Variants in ADAMTSL3 observed in about 807,000 individuals in gnomAD.
The protein encoded by ADAMTSL3 is ADAMTS like 3.
ADAMTSL3 carries 128 observed loss-of-function variants against 201.7 expected under a neutral mutation model. The ratio of observed to expected loss-of-function variants is 0.63; its 90% CI spans 0.55 to 0.73. The LOEUF is 0.73. ADAMTSL3 is among the 30% of genes least tolerant of loss of function. The pLI is 0.00. For missense variants in ADAMTSL3, 1,990 were observed against 2,119.6 expected, an observed-to-expected ratio of 0.94 and a Z score of 1.20; for synonymous variants, 738 against 748.4, an observed-to-expected ratio of 0.99 and a Z score of 0.23.
At chr15:83,967,132 CCT>C (rs2067104212) in intron 19 of ADAMTSL3, among the ~76,000 whole-genome samples, 1 of 152,152 alleles carries the variant, frequency 6.6e-6, no homozygotes, top group Non-Finnish European at 1.5e-5. Flanking sequence ...ACAAGGATGC[CCT>C]CTCTCACCAC....
At chr15:84,000,192 C>G (rs2067767917) in intron 23 of ADAMTSL3, among the ~76,000 whole-genome samples, 1 of 152,156 alleles carries the variant, frequency 6.6e-6, no homozygotes, top group Non-Finnish European at 1.5e-5. Flanking sequence ...CATTTTGGTG[C>G]TTTTGACTAT....
At chr15:83,706,966 G>A (rs1213894828) in intron 3 of ADAMTSL3, among the ~76,000 whole-genome samples, 1 of 152,080 alleles carries the variant, frequency 6.6e-6, no homozygotes. Context: ...ACTGCGCCTG[G>A]CCAATCCTCT....
chr15:83,981,233 T>G (rs1394400065), intron 20 of ADAMTSL3, among the ~76,000 whole-genome samples: 1 of 152,134 alleles, frequency 6.6e-6, no homozygotes, highest in Non-Finnish European at 1.5e-5. Flanking sequence ...TTCTCTCAGG[T>G]GAAACAAGGG....
Position 83,655,827 on chromosome 15 carries a change from G to T in ADAMTSL3, c.66G>T (p.Pro22=), listed in dbSNP as rs144412248. Residue 22 remains proline (P), a synonymous_variant, in exon 2 of 30, where the codon CCG becomes CCT. Transcript: ENST00000286744. ...TGGTCTTCATGCACTCTCCCCTCCC[G>T]CAGGTAAGGTCATATAGGGAGGGGA... ...IGMVFMHSPL[P]QTTAEKSPGA... 5 of 1,613,800 alleles carry T rather than the reference G, an allele frequency of 3.1e-6. No individual in the cohort carries two copies. Among genetic ancestry groups the T allele is most frequent in the Admixed American group, 1.7e-5 (1 of 60,000 alleles).
At chr15:83,669,041 G>A (rs1432085321) in intron 2 of ADAMTSL3, among the ~76,000 whole-genome samples, 4 of 152,230 alleles carry the variant, frequency 2.6e-5, no homozygotes, top group African/African-American at 7.2e-5. Flanking sequence ...CTACTATGAG[G>A]CCAGAGGGCA....
In ADAMTSL3 at chr15:83,970,467, C is replaced by T. The variant is rs779940583; in HGVS notation, c.2491-17C>T. The T allele has an allele frequency of 3.1e-6, 5 of 1,613,806 alleles. No individual in the cohort carries two copies. In the South Asian group the frequency reaches 4.4e-5, roughly 14 times the overall value. ...GCTCATGCTCCATTTGACTCTGTTG[C>T]ACAACTCTCATTTCAGTGTTCTGTC... is the stretch of plus-strand genomic sequence containing the variant. On this transcript the variant is annotated splice_polypyrimidine_tract_variant and intron_variant, in intron 19 of 29. Transcript: ENST00000286744.
At chr15:83,689,711 T>C (rs1247310045) in intron 2 of ADAMTSL3, among the ~76,000 whole-genome samples, 1 of 152,254 alleles carries the variant, frequency 6.6e-6, no homozygotes, top group Non-Finnish European at 1.5e-5. Context: ...GTGAGACTGA[T>C]ATGTGATTTT....
intron 2 of ADAMTSL3, among the ~76,000 whole-genome samples, chr15:83,673,762 G>C (rs974243602): frequency 2.4e-4 from 36 of 152,192 alleles, no homozygotes; most frequent in African/African-American, 7.0e-4. Context: ...TAATTCTGAG[G>C]TGCAATTAAT....
At chr15:83,905,893 T>C (rs776357680) in intron 15 of ADAMTSL3, among the ~76,000 whole-genome samples, 14 of 152,042 alleles carry the variant, frequency 9.2e-5, no homozygotes, top group Non-Finnish European at 1.8e-4. Flanking sequence ...ATCAGGAGAT[T>C]ATCTTTTTTT....
At chr15:83,994,811 T>C (rs1478575199) in intron 23 of ADAMTSL3, among the ~76,000 whole-genome samples, 1 of 148,900 alleles carries the variant, frequency 6.7e-6, no homozygotes, top group Non-Finnish European at 1.5e-5. Context: ...GGTTTCACCA[T>C]GTTGCCCAGG....
rs1381230387 is a variant in ADAMTSL3, at chr15:84,014,546, C to T, written c.3978C>T (p.Val1326=). The T allele has an allele frequency of 6.2e-7, 1 of 1,613,030 alleles. No homozygotes were observed. Among genetic ancestry groups the T allele is most frequent in the Non-Finnish European group, 8.5e-7 (1 of 1,179,652 alleles). ...ATATTTGTTTTTGTTCCAAAGGTGT[C>T]CCTCAGCCTAATATAACTTGGTTGA... ...NVTIRCPVKG[V]PQPNITWLKR... is the part of the protein sequence containing the mutation. Residue 1326 remains valine (V), a synonymous_variant, in exon 24 of 30, where the codon GTC becomes GTT. Transcript: ENST00000286744.
chr15:84,017,144 A>T (rs1340589517), intron 25 of ADAMTSL3, among the ~76,000 whole-genome samples: 1 of 152,094 alleles, frequency 6.6e-6, no homozygotes, highest in Non-Finnish European at 1.5e-5. Flanking sequence ...TTGAGACAGA[A>T]TCTCGCTCTG....
intron 17 of ADAMTSL3, among the ~76,000 whole-genome samples, chr15:83,936,760 A>G (rs1297768455): frequency 5.3e-5 from 8 of 151,076 alleles, no homozygotes; most frequent in East Asian, 3.8e-4. Context: ...TTAGCAAACT[A>G]TGCATCCAGT....
At chr15:83,806,667 A>T (rs1451041454) in intron 5 of ADAMTSL3, among the ~76,000 whole-genome samples, 1 of 152,142 alleles carries the variant, frequency 6.6e-6, no homozygotes, top group East Asian at 1.9e-4. Flanking sequence ...AAGCCTGGCC[A>T]ACATGGTGAA....
chr15:83,851,067 A>G (rs77179541), intron 7 of ADAMTSL3, among the ~76,000 whole-genome samples: 5,091 of 152,220 alleles, frequency 0.033, 292 homozygotes, highest in African/African-American at 0.11. Context: ...CTGAATTTCT[A>G]TGGGTGGAGC....
intron 6 of ADAMTSL3, among the ~76,000 whole-genome samples, chr15:83,833,035 GT>G (rs1330410893): frequency 6.6e-6 from 1 of 152,218 alleles, no homozygotes; most frequent in East Asian, 1.9e-4. Flanking sequence ...CTAACACTGG[GT>G]GCTTAGCCCA....
intron 5 of ADAMTSL3, among the ~76,000 whole-genome samples, chr15:83,811,240 T>G (rs190790414): frequency 6.6e-6 from 1 of 152,308 alleles, no homozygotes; most frequent in East Asian, 1.9e-4. Flanking sequence ...TGGTGCATTA[T>G]TTTGCCCAAC....
intron 28 of ADAMTSL3, among the ~76,000 whole-genome samples, chr15:84,035,516 C>A (rs546988633): frequency 1.3e-5 from 2 of 152,202 alleles, no homozygotes; most frequent in African/African-American, 4.8e-5. Context: ...ACACCCACCT[C>A]TTCCATATAT....
chr15:83,985,917 G>A (rs1005187032), intron 21 of ADAMTSL3, among the ~76,000 whole-genome samples: 1 of 151,396 alleles, frequency 6.6e-6, no homozygotes, highest in Non-Finnish European at 1.5e-5. Context: ...GGCATGAGTC[G>A]CCACGCCTGG....
Sources: allele counts gnomAD v4.1 joint callset (sites outside exome capture counted in the v4.1 genomes callset), GRCh38; gene constraint gnomAD v4.1.1; transcripts MANE v1.5; gene names NCBI Gene and HGNC (gene_info 2026-07-23, HGNC 2026-07-21).